Variants in PLCB1 observed in about 807,000 individuals in gnomAD.
PLCB1 encodes phospholipase C beta 1, also known as 1-phosphatidylinositol 4,5-bisphosphate phosphodiesterase beta-1.
PLCB1 carries 46 observed loss-of-function variants against 161.8 expected under a neutral mutation model. The ratio of observed to expected loss-of-function variants is 0.28; its 90% CI spans 0.22 to 0.36. The LOEUF (loss-of-function observed/expected upper bound fraction) is 0.36. PLCB1 is among the 10% of genes least tolerant of loss of function. The pLI is 1.00. For missense variants in PLCB1, 1,016 were observed against 1,472.5 expected (o/e 0.69, Z 5.07); for synonymous variants, 517 against 503.7 (o/e 1.03, Z -0.35).
intron 31 of PLCB1, among the ~76,000 whole-genome samples, chr20:8,807,665 C>A (rs1006795866): frequency 6.6e-6 from 1 of 151,854 alleles, no homozygotes. Flanking sequence ...CCCTTTTCCC[C>A]CCTTCAAGTT....
intron 9 of PLCB1, among the ~76,000 whole-genome samples, chr20:8,662,876 A>C (rs922658393): frequency 1.3e-5 from 2 of 151,944 alleles, no homozygotes; most frequent in Non-Finnish European, 2.9e-5. Flanking sequence ...TGATTTTAAC[A>C]CAGATGAGCT....
intron 2 of PLCB1, among the ~76,000 whole-genome samples, chr20:8,363,362 G>A (rs576724867): frequency 1.3e-5 from 2 of 152,042 alleles, no homozygotes; most frequent in Non-Finnish European, 2.9e-5. Context: ...TTAGGTTGTT[G>A]CCAGAATTCA....
chr20:8,515,769 A>G (rs912680336), intron 3 of PLCB1, among the ~76,000 whole-genome samples: 12 of 152,338 alleles, frequency 7.9e-5, no homozygotes, highest in Admixed American at 3.9e-4. Flanking sequence ...AAAACTGTCT[A>G]TCATTGCATT....
intron 2 of PLCB1, among the ~76,000 whole-genome samples, chr20:8,333,755 C>T (rs1425018249): frequency 6.6e-6 from 1 of 152,210 alleles, no homozygotes; most frequent in African/African-American, 2.4e-5. Flanking sequence ...ATTCTTGTGA[C>T]ATGTAGTTCA....
intron 9 of PLCB1, among the ~76,000 whole-genome samples, chr20:8,681,237 TATA>T (rs1321623419): frequency 6.6e-6 from 1 of 151,622 alleles, no homozygotes; most frequent in Non-Finnish European, 1.5e-5. Flanking sequence ...TGACCTTGAT[TATA>T]ATATCTTCAT....
At chr20:8,631,632 A>C (rs771976805) in intron 4 of PLCB1, among the ~76,000 whole-genome samples, 1 of 152,200 alleles carries the variant, frequency 6.6e-6, no homozygotes, top group Non-Finnish European at 1.5e-5. Context: ...GGTGCCTAAG[A>C]AATGTGACCT....
At chr20:8,752,925 C>T (rs1439623702) in intron 23 of PLCB1, among the ~76,000 whole-genome samples, 5 of 152,054 alleles carry the variant, frequency 3.3e-5, no homozygotes, top group Admixed American at 6.6e-5. Context: ...GGACCTGGCC[C>T]GCACAGCAGG....
At chr20:8,416,969 C>G (rs866510513) in intron 3 of PLCB1, among the ~76,000 whole-genome samples, 10 of 118,690 alleles carry the variant, frequency 8.4e-5, no homozygotes, top group Non-Finnish European at 5.1e-5. Context: ...CACACACACA[C>G]AGAGTCGCTT....
chr20:8,253,378 G>GTC (rs1358677041), intron 2 of PLCB1, among the ~76,000 whole-genome samples: 1 of 151,912 alleles, frequency 6.6e-6, no homozygotes, highest in African/African-American at 2.4e-5. Flanking sequence ...ATATATGTCA[G>GTC]TCTATCTCTG....
intron 3 of PLCB1, among the ~76,000 whole-genome samples, chr20:8,585,434 GT>G (rs1165377164): frequency 3.3e-5 from 5 of 152,144 alleles, no homozygotes; most frequent in African/African-American, 4.8e-5. Flanking sequence ...TAGAAGAATT[GT>G]TTGAAATGAG....
At chr20:8,229,260 A>C (rs1979874869) in intron 2 of PLCB1, among the ~76,000 whole-genome samples, 1 of 152,140 alleles carries the variant, frequency 6.6e-6, no homozygotes, top group Non-Finnish European at 1.5e-5. Flanking sequence ...CCAGGCATGC[A>C]AAATATTAAA....
intron 31 of PLCB1, among the ~76,000 whole-genome samples, chr20:8,835,923 C>G (rs1247572745): frequency 6.7e-6 from 1 of 149,346 alleles, no homozygotes; most frequent in Non-Finnish European, 1.5e-5. Flanking sequence ...GTCAGCTGAA[C>G]CTTTCTGCTG....
intron 9 of PLCB1, among the ~76,000 whole-genome samples, chr20:8,676,927 T>C (rs1013049284): frequency 1.3e-5 from 2 of 152,176 alleles, no homozygotes; most frequent in African/African-American, 2.4e-5. Flanking sequence ...AAATATATTA[T>C]GTCCATGAAA....
chr20:8,669,329 C>T lies in PLCB1; in HGVS notation c.862+10625C>T, dbSNP rs1392028242. Among the ~76,000 whole-genome samples the T allele has an allele frequency of 2.0e-5, 3 of 152,166 alleles. No individual in the cohort carries two copies. In the East Asian group the frequency reaches 5.8e-4, roughly 29 times the overall value. Reference sequence around the variant, plus strand: ...CTGCAAATTGCCATGGTACATTTTTCAGCTTTTCTATTTCTTGTACAAAAC... The same window carrying T: ...CTGCAAATTGCCATGGTACATTTTTTAGCTTTTCTATTTCTTGTACAAAAC... On this transcript the variant is annotated intron_variant, in intron 9 of 31. Transcript: ENST00000338037.
intron 3 of PLCB1, among the ~76,000 whole-genome samples, chr20:8,398,243 T>A (rs1233280920): frequency 1.3e-5 from 2 of 152,184 alleles, no homozygotes; most frequent in African/African-American, 4.8e-5. Flanking sequence ...CTAAAACATA[T>A]ATAAATATGT....
chr20:8,722,480 C>A, intron 15 of PLCB1, 59 bp downstream of exon 15: 2 of 1,235,718 alleles, frequency 1.6e-6, no homozygotes, highest in South Asian at 1.6e-5. Context: ...TCTCCTGGGT[C>A]TGTCTCATGG....
intron 3 of PLCB1, among the ~76,000 whole-genome samples, chr20:8,523,171 T>C (rs113814675): frequency 2.2e-4 from 33 of 152,142 alleles, no homozygotes; most frequent in African/African-American, 7.5e-4. Flanking sequence ...CTGTTATCCC[T>C]GCTGCCTTTA....
At chr20:8,462,873 A>G (rs990065337) in intron 3 of PLCB1, among the ~76,000 whole-genome samples, 5 of 135,854 alleles carry the variant, frequency 3.7e-5, no homozygotes, top group Non-Finnish European at 8.3e-5. Context: ...CAGGTGATCT[A>G]TGGCTGGCCA....
intron 2 of PLCB1, among the ~76,000 whole-genome samples, chr20:8,354,741 T>G (rs1986305195): frequency 6.6e-6 from 1 of 152,180 alleles, no homozygotes; most frequent in Non-Finnish European, 1.5e-5. Flanking sequence ...CTGTTTATTT[T>G]ATATATTATT....
Sources: allele counts gnomAD v4.1 joint callset (sites outside exome capture counted in the v4.1 genomes callset), GRCh38; gene constraint gnomAD v4.1.1; transcripts MANE v1.5; gene names NCBI Gene and HGNC (gene_info 2026-07-23, HGNC 2026-07-21).